NALCN: variants seen among roughly 807,000 people sequenced by gnomAD.
NALCN encodes sodium leak channel, non-selective.
Under a neutral mutation model 225.3 loss-of-function variants are expected in NALCN, and 111 were observed. The ratio of observed to expected loss-of-function variants is 0.49; its 90% confidence interval spans 0.42 to 0.58. NALCN has a LOEUF of 0.58. Among genes scored for constraint, NALCN ranks in the 20% least tolerant of loss-of-function variants. The probability of loss-of-function intolerance (pLI) is 0.00; values close to 1 mark genes in which losing one functional copy is unlikely to be tolerated. For synonymous variants in NALCN, 764 were observed against 769.0 expected, an observed-to-expected ratio of 0.99 and a Z score of 0.11; for missense variants, 1,378 against 2,202.4, an observed-to-expected ratio of 0.63 and a Z score of 7.49.
At chr13:101,295,045 C>T (rs1218979638) in intron 7 of NALCN, among the ~76,000 whole-genome samples, 1 of 152,052 alleles carries the variant, frequency 6.6e-6, no homozygotes, top group Non-Finnish European at 1.5e-5. Flanking sequence ...GCATTTATAG[C>T]CCTATCTTAT....
intron 1 of NALCN, among the ~76,000 whole-genome samples, chr13:101,413,557 C>A (rs2047846410): frequency 6.6e-6 from 1 of 151,484 alleles, no homozygotes; most frequent in Non-Finnish European, 1.5e-5. Flanking sequence ...AATAAATATT[C>A]AGTGGTAAAA....
chr13:101,257,694 T>C (rs1276159300), intron 11 of NALCN, among the ~76,000 whole-genome samples: 1 of 152,174 alleles, frequency 6.6e-6, no homozygotes, highest in Non-Finnish European at 1.5e-5. Flanking sequence ...GGTTTCTACG[T>C]TGTCAATCAA....
At chr13:101,103,121 C>T in intron 26 of NALCN, 51 bp downstream of exon 26, 1 of 1,580,162 alleles carries the variant, frequency 6.3e-7, no homozygotes, top group Non-Finnish European at 8.6e-7. Context: ...TCATTAGCTG[C>T]ATTAGAGGTG....
intron 28 of NALCN, among the ~76,000 whole-genome samples, chr13:101,094,467 A>G (rs777263572): frequency 2.0e-5 from 3 of 152,166 alleles, no homozygotes; most frequent in Non-Finnish European, 4.4e-5. Flanking sequence ...ATAAAAATTA[A>G]TAAATTATAA....
intron 17 of NALCN, among the ~76,000 whole-genome samples, chr13:101,136,501 G>A (rs142459963): frequency 0.037 from 5,128 of 139,018 alleles, 245 homozygotes; most frequent in African/African-American, 0.12. Context: ...TCCCCTTCCT[G>A]TGTCCAAGTG....
intron 37 of NALCN, among the ~76,000 whole-genome samples, chr13:101,071,172 C>G (rs2032856893): frequency 6.6e-6 from 1 of 152,186 alleles, no homozygotes. Context: ...GGGACACAGT[C>G]AAACCATTGC....
In NALCN at chr13:101,104,326, A is replaced by G; in HGVS notation, c.2858T>C (p.Phe953Ser). Residue 953 changes from phenylalanine (F) to serine (S), a missense_variant, in exon 25 of 44, where the codon TTC (phenylalanine) becomes TCC (serine). Physicochemically the swap from Phe to Ser is radical, Grantham distance 155. Transcript: ENST00000251127. This position sits in a 1 kb window ranked among gnomAD's most constrained non-coding sequence, Gnocchi z 4.2. The part of the protein sequence containing the change: ...FFTPTAVIRD[F>S]GGVMDIFIYL... ...TATAAATATGTCCATTACTCCACCG[A>G]AGTCCCTGATGACAGCAGTTGGAGT... 1 of 1,613,058 alleles carries G rather than the reference A, an allele frequency of 6.2e-7. No homozygotes were observed. The highest frequency in any genetic ancestry group is 1.1e-5 in the South Asian group (1 of 90,808).
At chr13:101,375,846 A>AACTCTATATCTAGCTAAC (rs1287222644) in intron 6 of NALCN, among the ~76,000 whole-genome samples, 10 of 152,122 alleles carry the variant, frequency 6.6e-5, no homozygotes, top group Middle Eastern at 6.8e-3. Flanking sequence ...TGGAACCCCA[A>AACTCTATATCTAGCTAAC]ACTCTATATC....
At chr13:101,214,109 G>A (rs1331446840) in intron 13 of NALCN, among the ~76,000 whole-genome samples, 1 of 152,200 alleles carries the variant, frequency 6.6e-6, no homozygotes, top group Non-Finnish European at 1.5e-5. Flanking sequence ...GGAATACTAT[G>A]CAGCCATAAA....
chr13:101,409,990 G>A (rs1338051), intron 1 of NALCN, among the ~76,000 whole-genome samples: 59,705 of 151,990 alleles, frequency 0.39, 11,935 homozygotes, highest in East Asian at 0.58. Flanking sequence ...AATGGGACTA[G>A]CGAATCTATA....
chr13:101,344,865 A>G (rs2045667010), intron 7 of NALCN, among the ~76,000 whole-genome samples: 1 of 152,196 alleles, frequency 6.6e-6, no homozygotes, highest in Non-Finnish European at 1.5e-5. Flanking sequence ...AATACCTAGT[A>G]TTACAGTTTT....
At chr13:101,311,772 T>C (rs2044355089) in intron 7 of NALCN, among the ~76,000 whole-genome samples, 3 of 152,318 alleles carry the variant, frequency 2.0e-5, no homozygotes, top group South Asian at 2.1e-4. Context: ...CAGTATTTTA[T>C]TGAGGATTTT....
intron 41 of NALCN, 100 bp downstream of exon 41, chr13:101,061,868 G>C (rs994261085): frequency 9.0e-7 from 1 of 1,110,296 alleles, no homozygotes; most frequent in Non-Finnish European, 1.3e-6. Context: ...GATCACAGAA[G>C]GAGCTAATCC....
chr13:101,115,817 A>AACATCTTCCCTAGATCTTTTC (rs2035681436), intron 18 of NALCN, among the ~76,000 whole-genome samples: 1 of 152,130 alleles, frequency 6.6e-6, no homozygotes, highest in Non-Finnish European at 1.5e-5. Context: ...CAAGGTTTTT[A>AACATCTTCCCTAGATCTTTTC]ACATCTTCCC....
chr13:101,068,606 G>A, intron 38 of NALCN, 89 bp downstream of exon 38: 1 of 1,309,994 alleles, frequency 7.6e-7, no homozygotes, highest in Non-Finnish European at 9.9e-7. Flanking sequence ...CCCACCCCAA[G>A]AAATCCAGGG....
intron 6 of NALCN, among the ~76,000 whole-genome samples, chr13:101,373,279 C>T (rs969697643): frequency 6.6e-6 from 1 of 152,078 alleles, no homozygotes; most frequent in Non-Finnish European, 1.5e-5. Flanking sequence ...CTTATATTAA[C>T]CCTTGGAAAC....
Position 101,316,174 on chromosome 13 carries a change from C to T in NALCN, c.800-23808G>A, listed in dbSNP as rs115644644. ...GTGTACAATGCTATTCAATAAATGT[C>T]CTTCTCATCAAAACTTAAATGCCTT... On this transcript the variant is annotated intron_variant, in intron 7 of 43. Transcript: ENST00000251127. Among the ~76,000 whole-genome samples, 82 of 152,194 alleles carry T rather than the reference C, an allele frequency of 5.4e-4. 1 individual carries two copies. The highest frequency in any genetic ancestry group is 1.9e-3 in the African/African-American group (77 of 41,540).
chr13:101,211,503 T>C (rs1237177717), intron 13 of NALCN, among the ~76,000 whole-genome samples: 1 of 151,780 alleles, frequency 6.6e-6, no homozygotes, highest in Non-Finnish European at 1.5e-5. Flanking sequence ...TATTATTTTA[T>C]CATTTCATCA....
chr13:101,417,130 T>C (rs1188456543), upstream of NALCN, among the ~76,000 whole-genome samples: 1 of 152,304 alleles, frequency 6.6e-6, no homozygotes, highest in East Asian at 1.9e-4. Flanking sequence ...GACAGCAGAC[T>C]GCATCTGAGG....
Sources: gnomAD v4.1 joint callset for allele counts (sites outside exome capture counted in the v4.1 genomes callset) on GRCh38, gnomAD v4.1.1 for gene constraint, Gnocchi (gnomAD v3.1) non-coding constraint, MANE v1.5 for transcripts, NCBI Gene and HGNC (gene_info 2026-07-23, HGNC 2026-07-21) for gene names.